Variants in DCUN1D5 observed in about 807,000 individuals in gnomAD.
The protein encoded by DCUN1D5 is DCN1-like protein 5.
In DCUN1D5, 10 loss-of-function variants were observed where a neutral mutation model predicts 38.3. The ratio of observed to expected loss-of-function variants is 0.26; its 90% confidence interval spans 0.16 to 0.44. The LOEUF (loss-of-function observed/expected upper bound fraction) is 0.44, where lower values mean the gene tolerates loss of function less well. DCUN1D5 is among the 20% of genes least tolerant of loss of function. The pLI, the probability that DCUN1D5 is intolerant of heterozygous loss-of-function variation, is 1.00. For synonymous variants in DCUN1D5, 93 were observed against 90.9 expected (o/e 1.02, Z -0.13); for missense variants, 148 against 275.3 (o/e 0.54, Z 3.27).
Position 103,066,271 on chromosome 11 carries a change from C to G in DCUN1D5, c.553G>C (p.Glu185Gln). 1 of 1,578,370 alleles carries G rather than the reference C, an allele frequency of 6.3e-7. No individual in the cohort carries two copies. The highest frequency in any genetic ancestry group is 8.6e-7 in the Non-Finnish European group (1 of 1,161,212). ...PLFSVFYQYL[E>Q]QSKYRVMNKD... ...AAAATTCGAAAAAACATACGTACCT[C>G]CAGGTACTGGTAAAATACTGAAAAC... The change falls in exon 6 of 8, where the codon GAG becomes CAG. Residue 185 changes from glutamate (E) to glutamine (Q), a missense_variant and splice_region_variant. Transcript: ENST00000260247. This position sits in a 1 kb window ranked among gnomAD's most constrained non-coding sequence, Gnocchi z 4.7.
intron 4 of DCUN1D5, among the ~76,000 whole-genome samples, chr11:103,069,044 T>G (rs970469718): frequency 6.6e-6 from 1 of 152,090 alleles, no homozygotes; most frequent in Non-Finnish European, 1.5e-5. Flanking sequence ...GATTCTAAAG[T>G]GGTGCAGATA....
chr11:103,069,353 A>C (rs1223686459), intron 4 of DCUN1D5, among the ~76,000 whole-genome samples: 1 of 152,178 alleles, frequency 6.6e-6, no homozygotes, highest in African/African-American at 2.4e-5. Context: ...CACAAAACAG[A>C]AAACTCTTAG....
At position 103,083,827 on chromosome 11, in the gene DCUN1D5, T is replaced by C. The variant is rs1376215553; in HGVS notation, c.179-501A>G. On this transcript the variant is annotated intron_variant, in intron 2 of 7. Transcript: ENST00000260247. The surrounding 1 kb of genome is among the most constrained non-coding windows in gnomAD (Gnocchi z 4.4). ...AATACACTCAAATATAATTTAATTATTGAAAAAGACAAAGGTATTTTGAAA... is the reference window on the plus strand; with the variant it reads ...AATACACTCAAATATAATTTAATTACTGAAAAAGACAAAGGTATTTTGAAA... 6.6e-6 allele frequency among the ~76,000 whole-genome samples: 1 copy of C among 152,162 alleles called. No homozygotes were observed. The highest frequency in any genetic ancestry group is 6.5e-5 in the Admixed American group (1 of 15,282).
In DCUN1D5 at chr11:103,078,471, T is replaced by A. The variant is rs1284406314; in HGVS notation, c.341+4277A>T. On this transcript the variant is annotated intron_variant, in intron 4 of 7. Transcript: ENST00000260247. The surrounding 1 kb of genome is among the most constrained non-coding windows in gnomAD (Gnocchi z 4.6). Reference sequence around the variant, plus strand: ...ATGGGAACGAGGTCCATAGTTCTCATAAGACTCTCAAAAGAGACTGTGACT... The same window carrying A: ...ATGGGAACGAGGTCCATAGTTCTCAAAAGACTCTCAAAAGAGACTGTGACT... Among the ~76,000 whole-genome samples the A allele has an allele frequency of 6.6e-6, 1 of 152,232 alleles. No homozygotes were observed. Among genetic ancestry groups the A allele is most frequent in the Non-Finnish European group, 1.5e-5 (1 of 68,038 alleles).
In DCUN1D5 at chr11:103,057,795, AAT is replaced by A. The variant is rs1861910361; in HGVS notation, c.*4562_*4563del. ...CACACAGCTCACAGAGTTTTGGGGAAATCTGGCTCTCTCTATATATTCACTTC... is the reference window on the plus strand; with the variant it reads ...CACACAGCTCACAGAGTTTTGGGGAACTGGCTCTCTCTATATATTCACTTC... On this transcript the variant is annotated 3_prime_UTR_variant, in exon 8 of 8. Coordinates refer to ENST00000260247, the MANE Select transcript of DCUN1D5 (RefSeq NM_032299.4). This position sits in a 1 kb window ranked among gnomAD's most constrained non-coding sequence, Gnocchi z 4.8. Among the ~76,000 whole-genome samples, 2 of 152,150 alleles carry A rather than the reference AAT, an allele frequency of 1.3e-5. No homozygotes were observed. Among genetic ancestry groups the A allele is most frequent in the East Asian group, 3.8e-4 (2 of 5,198 alleles).
Position 103,065,723 on chromosome 11 carries a change from G to A in DCUN1D5, c.555+546C>T, listed in dbSNP as rs112337355. On this transcript the variant is annotated intron_variant, in intron 6 of 7. Transcript: ENST00000260247. This position sits in a 1 kb window ranked among gnomAD's most constrained non-coding sequence, Gnocchi z 4.6. ...TATGATAAACCTTCTAAAAGAACAC[G>A]TCATCATTTCAGCTTACATTTTTTT... 7.1e-3 allele frequency among the ~76,000 whole-genome samples: 1,072 copies of A among 151,826 alleles called. 9 individuals carry two copies. Among genetic ancestry groups the A allele is most frequent in the African/African-American group, 0.024 (1,012 of 41,458 alleles).
chr11:103,059,327 A>G lies in DCUN1D5; in HGVS notation c.*3032T>C, dbSNP rs911610126. On this transcript the variant is annotated 3_prime_UTR_variant, in exon 8 of 8. Transcript: ENST00000260247. ...TGTATGCCTTGAAAACTCTGGAGTT[A>G]TCTCAGAATTTACTCCCACCCCGAC... Among the ~76,000 whole-genome samples, 1 of 152,114 alleles carries G rather than the reference A, an allele frequency of 6.6e-6. No individual in the cohort carries two copies. Among genetic ancestry groups the G allele is most frequent in the East Asian group, 1.9e-4 (1 of 5,200 alleles).
At chr11:103,081,021 A>T (rs116334937) in intron 4 of DCUN1D5, among the ~76,000 whole-genome samples, 3,660 of 151,996 alleles carry the variant, frequency 0.024, 169 homozygotes, top group African/African-American at 0.083. Flanking sequence ...AAAAAAAAAA[A>T]CATGCTCATG....
At position 103,066,409 on chromosome 11, in the gene DCUN1D5, T is replaced by G. The variant is rs1188431391; in HGVS notation, c.451-36A>C. 2 of 1,595,670 alleles carry G rather than the reference T, an allele frequency of 1.3e-6. No individual in the cohort carries two copies. Among genetic ancestry groups the G allele is most frequent in the Non-Finnish European group, 1.7e-6 (2 of 1,167,882 alleles). ...AGTGAAAAAGTTTTCCTAAGTGTGGTCTCAAGATGAAAAGCTATTAAAACA... is the reference window on the plus strand; with the variant it reads ...AGTGAAAAAGTTTTCCTAAGTGTGGGCTCAAGATGAAAAGCTATTAAAACA... On this transcript the variant is annotated intron_variant, in intron 5 of 7. Coordinates refer to ENST00000260247, the MANE Select transcript of DCUN1D5 (RefSeq NM_032299.4). This position sits in a 1 kb window ranked among gnomAD's most constrained non-coding sequence, Gnocchi z 4.7.
In DCUN1D5 at chr11:103,076,443, C is replaced by T. The variant is rs146737220; in HGVS notation, c.341+6305G>A. On this transcript the variant is annotated intron_variant, in intron 4 of 7. Transcript: ENST00000260247. Reference sequence around the variant, plus strand: ...CCAAATATTTTACATTTCATGGGTACACAAAGTTACTATCTTACTTATGTA... The same window carrying T: ...CCAAATATTTTACATTTCATGGGTATACAAAGTTACTATCTTACTTATGTA... Among the ~76,000 whole-genome samples the T allele has an allele frequency of 9.3e-3, 1,419 of 152,186 alleles. 24 individuals carry two copies. The highest frequency in any genetic ancestry group is 0.032 in the African/African-American group (1,328 of 41,514).
rs1861900728 is a variant in DCUN1D5 at position 103,057,458 on chromosome 11, C to CT, written c.*4900dup. Among the ~76,000 whole-genome samples, 1 of 151,832 alleles carries CT rather than the reference C, an allele frequency of 6.6e-6. No individual in the cohort carries two copies. Among genetic ancestry groups the CT allele is most frequent in the South Asian group, 2.1e-4 (1 of 4,808 alleles). On this transcript the variant is annotated 3_prime_UTR_variant, in exon 8 of 8. Transcript: ENST00000260247. This position sits in a 1 kb window ranked among gnomAD's most constrained non-coding sequence, Gnocchi z 4.8. ...GTGGCTCACACCTGTAATCCCAGCA[C>CT]TTTGGGAGTCTGAGGTGGGTGGGAT...
chr11:103,070,175 T>C (rs1010293328), intron 4 of DCUN1D5, among the ~76,000 whole-genome samples: 6 of 148,662 alleles, frequency 4.0e-5, no homozygotes, highest in Non-Finnish European at 7.5e-5. Context: ...CAAATGGAAA[T>C]TTTTGAACTG....
chr11:103,072,355 TCTAGATCTAGAACTAGAA>T (rs1862297152), intron 4 of DCUN1D5, among the ~76,000 whole-genome samples: 1 of 151,146 alleles, frequency 6.6e-6, no homozygotes, highest in Non-Finnish European at 1.5e-5. Flanking sequence ...TAGATCTAGA[TCTAGATCTAGAACTAGAA>T]CTAGAAATAC....
At chr11:103,080,778 G>A (rs770448921) in intron 4 of DCUN1D5, among the ~76,000 whole-genome samples, 37 of 152,116 alleles carry the variant, frequency 2.4e-4, no homozygotes, top group Non-Finnish European at 3.5e-4. Context: ...GGAGGTCGAG[G>A]CAGGTGGATC....
rs2134636365 is a variant in DCUN1D5 at position 103,086,899 on chromosome 11, A to C, written c.178+2328T>G. Among the ~76,000 whole-genome samples the C allele has an allele frequency of 6.6e-6, 1 of 151,780 alleles. No individual in the cohort carries two copies. The highest frequency in any genetic ancestry group is 2.1e-4 in the South Asian group (1 of 4,826). The stretch of plus-strand genomic sequence containing the variant: ...ATATAAACATTATAAAATTTAAATA[A>C]AAAATACATAAAAGCATAGTAGTTA... On this transcript the variant is annotated intron_variant, in intron 2 of 7. Coordinates refer to ENST00000260247, the MANE Select transcript of DCUN1D5 (RefSeq NM_032299.4). This position sits in a 1 kb window ranked among gnomAD's most constrained non-coding sequence, Gnocchi z 4.1.
Position 103,062,245 on chromosome 11 carries a change from G to C in DCUN1D5, c.*114C>G, listed in dbSNP as rs1862029730. On this transcript the variant is annotated 3_prime_UTR_variant, in exon 8 of 8. Transcript: ENST00000260247. This position sits in a 1 kb window ranked among gnomAD's most constrained non-coding sequence, Gnocchi z 4.6. Reference sequence around the variant, plus strand: ...TAAAAAAAGGAAAAAAAAGTACTATGAGAAGTCTTTCATATGAATGAAAAT... The same window carrying C: ...TAAAAAAAGGAAAAAAAAGTACTATCAGAAGTCTTTCATATGAATGAAAAT... 9 of 1,012,580 alleles carry C rather than the reference G, an allele frequency of 8.9e-6. No individual in the cohort carries two copies. Among genetic ancestry groups the C allele is most frequent in the Non-Finnish European group, 1.2e-5 (8 of 659,034 alleles). 62.7% of individuals were successfully genotyped at this position (1,012,580 alleles called of 1,614,324 possible). A position where few individuals can be genotyped will look rare whatever the true frequency, so the allele number is the denominator to read the frequency against.
intron 4 of DCUN1D5, among the ~76,000 whole-genome samples, 168 bp downstream of exon 4, chr11:103,082,580 T>C (rs1014618734): frequency 1.3e-5 from 2 of 152,074 alleles, no homozygotes; most frequent in African/African-American, 4.8e-5. Context: ...GGTACCTATA[T>C]ATTTGCCCAA....
Position 103,064,459 on chromosome 11 carries a change from T to C in DCUN1D5, c.556-82A>G. On this transcript the variant is annotated intron_variant, in intron 6 of 7. Coordinates refer to ENST00000260247, the MANE Select transcript of DCUN1D5 (RefSeq NM_032299.4). The surrounding 1 kb of genome is among the most constrained non-coding windows in gnomAD (Gnocchi z 4.5). Reference sequence around the variant, plus strand: ...AATTTAGTAAACTAAGTTTTAACTGTTTTTGTGATTTGGTTTTTTCTAAAA... The same window carrying C: ...AATTTAGTAAACTAAGTTTTAACTGCTTTTGTGATTTGGTTTTTTCTAAAA... 1.8e-6 allele frequency: 2 copies of C among 1,092,534 alleles called. No individual in the cohort carries two copies. Among genetic ancestry groups the C allele is most frequent in the Middle Eastern group, 3.0e-4 (1 of 3,282 alleles). The allele number at this position is 1,092,534 out of a possible 1,614,324, so 67.7% of individuals were successfully genotyped here.
intron 4 of DCUN1D5, among the ~76,000 whole-genome samples, chr11:103,068,874 T>C (rs550799579): frequency 2.0e-5 from 3 of 151,902 alleles, no homozygotes; most frequent in East Asian, 3.9e-4. Flanking sequence ...CAAAAATACA[T>C]GCATATTTTT....
Sources: gnomAD v4.1 joint callset for allele counts (sites outside exome capture counted in the v4.1 genomes callset) on GRCh38, gnomAD v4.1.1 for gene constraint, Gnocchi (gnomAD v3.1) non-coding constraint, MANE v1.5 for transcripts, NCBI Gene and HGNC (gene_info 2026-07-23, HGNC 2026-07-21) for gene names.